The following PGBD4 variants were observed in gnomAD, a reference collection of about 807,000 sequenced individuals.
PGBD4 encodes piggyBac transposable element derived 4.
PGBD4 carries 1 observed loss-of-function variant against 0.3 expected under a neutral mutation model. The ratio of observed to expected loss-of-function variants is 3.72; its 90% CI spans 1.32 to 17.64. The LOEUF (loss-of-function observed/expected upper bound fraction) is 17.64. PGBD4 is among the 30% of genes most tolerant of loss of function. The probability of loss-of-function intolerance (pLI) is 0.11; values close to 1 mark genes in which losing one functional copy is unlikely to be tolerated. For synonymous variants in PGBD4, 253 were observed against 267.7 expected, an observed-to-expected ratio of 0.95 and a Z score of 0.54; for missense variants, 624 against 719.7, an observed-to-expected ratio of 0.87 and a Z score of 1.52.
rs775541823 is a variant in PGBD4, at chr15:34,103,035, G to A, written c.504G>A (p.Val168=). 1 of 1,614,024 alleles carries A rather than the reference G, an allele frequency of 6.2e-7. No homozygotes were observed. The highest frequency in any genetic ancestry group is 8.5e-7 in the Non-Finnish European group (1 of 1,180,028). ...CAGTAATGTTACTGCAAGGTATTGT[G>A]CAGAAACCTGAGCTGGAGATGTTTT... ...FFAVMLLQGI[V]QKPELEMFWS... The change falls in exon 1 of 1, where the codon GTG becomes GTA. Residue 168 remains valine, a synonymous_variant. Transcript: ENST00000397766. The surrounding 1 kb of genome is among the most constrained non-coding windows in gnomAD (Gnocchi z 4.6).
At position 34,102,568 on chromosome 15, in the gene PGBD4, G is replaced by C. The variant is rs1464334621; in HGVS notation, c.37G>C (p.Asp13His). ...NPRKRSIPMRDSNTGLEQLLA... is the reference protein window; with the variant it reads ...NPRKRSIPMRHSNTGLEQLLA... ...TAGAAAACGTAGCATTCCTATGCGT[G>C]ATAGTAATACCGGTCTCGAACAGTT... The change falls in exon 1 of 1, where the codon GAT becomes CAT. Residue 13 changes from aspartate to histidine, a missense_variant. By Grantham distance (81) the Asp-to-His change is moderately conservative. Coordinates refer to ENST00000397766, the MANE Select transcript of PGBD4 (RefSeq NM_152595.5). This position sits in a 1 kb window ranked among gnomAD's most constrained non-coding sequence, Gnocchi z 4.7. The C allele has an allele frequency of 6.3e-7, 1 of 1,582,406 alleles. No individual in the cohort carries two copies. Among genetic ancestry groups the C allele is most frequent in the South Asian group, 1.1e-5 (1 of 87,380 alleles).
In PGBD4 at chr15:34,102,473, A is replaced by G; in HGVS notation, c.-59A>G. ...CAAAAGACATCATTCTGTTTATAGC[A>G]TTCTGTTTTTAGTAGTGGGATTTCC... On this transcript the variant is annotated 5_prime_UTR_variant, in exon 1 of 1. Transcript: ENST00000397766. The surrounding 1 kb of genome is among the most constrained non-coding windows in gnomAD (Gnocchi z 4.7). 1 of 1,456,392 alleles carries G rather than the reference A, an allele frequency of 6.9e-7. No homozygotes were observed. Among genetic ancestry groups the G allele is most frequent in the Middle Eastern group, 2.5e-4 (1 of 3,954 alleles). 90.2% of individuals were successfully genotyped at this position (1,456,392 alleles called of 1,614,324 possible). A position where few individuals can be genotyped will look rare whatever the true frequency, so the allele number is the denominator to read the frequency against.
rs1475066680 is a variant in PGBD4, at chr15:34,107,004, T to C, written c.*2715T>C. 7.0e-6 allele frequency: 1 copy of C among 142,054 alleles called. No individual in the cohort carries two copies. Among genetic ancestry groups the C allele is most frequent in the Non-Finnish European group, 1.5e-5 (1 of 65,728 alleles). The allele number at this position is 142,054 out of a possible 1,614,324, so 8.8% of individuals were successfully genotyped here. ...AAAGACAAAAAAACAAATCCATATA[T>C]ACATATATATGTATATATATAGTAT... On this transcript the variant is annotated 3_prime_UTR_variant, in exon 1 of 1. Coordinates refer to ENST00000397766, the MANE Select transcript of PGBD4 (RefSeq NM_152595.5).
chr15:34,105,314 C>T lies in PGBD4; in HGVS notation c.*1025C>T, dbSNP rs1005995430. The T allele has an allele frequency of 1.2e-5, 2 of 167,126 alleles. No homozygotes were observed. The highest frequency in any genetic ancestry group is 2.9e-5 in the Non-Finnish European group (2 of 68,144). 10.4% of individuals were successfully genotyped at this position (167,126 alleles called of 1,614,324 possible). On this transcript the variant is annotated 3_prime_UTR_variant, in exon 1 of 1. Coordinates refer to ENST00000397766, the MANE Select transcript of PGBD4 (RefSeq NM_152595.5). Reference sequence around the variant, plus strand: ...CCAAGATTTCAGGCATCATTTGCTCCAGTCCTTTCATTTTCTTTATGGTGG... The same window carrying T: ...CCAAGATTTCAGGCATCATTTGCTCTAGTCCTTTCATTTTCTTTATGGTGG...
In PGBD4 at chr15:34,102,541, C is replaced by A; in HGVS notation, c.10C>A (p.Pro4Thr). 6.6e-7 allele frequency: 1 copy of A among 1,524,410 alleles called. No individual in the cohort carries two copies. The highest frequency in any genetic ancestry group is 8.8e-7 in the Non-Finnish European group (1 of 1,134,712). 94.4% of individuals were successfully genotyped at this position (1,524,410 alleles called of 1,614,324 possible). ...ATTCTCGATCGCTGAAATGTCAAATCCTAGAAAACGTAGCATTCCTATGCG... is the reference window on the plus strand; with the variant it reads ...ATTCTCGATCGCTGAAATGTCAAATACTAGAAAACGTAGCATTCCTATGCG... MSN[P>T]RKRSIPMRDS... Residue 4 changes from proline to threonine, a missense_variant, in exon 1 of 1, where the codon CCT (proline) becomes ACT (threonine). Pro to Thr is a conservative substitution (Grantham distance 38). Transcript: ENST00000397766. The surrounding 1 kb of genome is among the most constrained non-coding windows in gnomAD (Gnocchi z 4.7).
At position 34,106,975 on chromosome 15, in the gene PGBD4, A is replaced by AAG. The variant is rs1887770390; in HGVS notation, c.*2687_*2688insGA. On this transcript the variant is annotated 3_prime_UTR_variant, in exon 1 of 1. Coordinates refer to ENST00000397766, the MANE Select transcript of PGBD4 (RefSeq NM_152595.5). ...CTGTCTCTAAAAAAAAAAAAAAAAA[A>AAG]AAAAAAGACAAAAAAACAAATCCAT... The AAG allele has an allele frequency of 6.7e-6, 1 of 149,706 alleles. No homozygotes were observed. Among genetic ancestry groups the AAG allele is most frequent in the Non-Finnish European group, 1.5e-5 (1 of 67,596 alleles). 9.3% of individuals were successfully genotyped at this position (149,706 alleles called of 1,614,324 possible).
In PGBD4 at chr15:34,105,011, G is replaced by C. The variant is rs564218094; in HGVS notation, c.*722G>C. ...GTCAGATTTGCTTCAGCCTCAAAGA[G>C]GGTGTTTATGTAAAACTAAATGAGT... is the stretch of plus-strand genomic sequence containing the variant. On this transcript the variant is annotated 3_prime_UTR_variant, in exon 1 of 1. Coordinates refer to ENST00000397766, the MANE Select transcript of PGBD4 (RefSeq NM_152595.5). 6.1e-6 allele frequency: 1 copy of C among 164,292 alleles called. No individual in the cohort carries two copies. The highest frequency in any genetic ancestry group is 2.1e-4 in the South Asian group (1 of 4,818). The allele number at this position is 164,292 out of a possible 1,614,324, so 10.2% of individuals were successfully genotyped here.
chr15:34,108,548 T>C lies in PGBD4; in HGVS notation c.*4259T>C, dbSNP rs1887793949. On this transcript the variant is annotated 3_prime_UTR_variant, in exon 1 of 1. Coordinates refer to ENST00000397766, the MANE Select transcript of PGBD4 (RefSeq NM_152595.5). Reference sequence around the variant, plus strand: ...AAAGATTATTTGAGAAATAATGGAATGGGACAAAGGATTATAATGTGCTAC... The same window carrying C: ...AAAGATTATTTGAGAAATAATGGAACGGGACAAAGGATTATAATGTGCTAC... The C allele has an allele frequency of 6.6e-6, 1 of 152,152 alleles. No homozygotes were observed. Among genetic ancestry groups the C allele is most frequent in the Non-Finnish European group, 1.5e-5 (1 of 68,024 alleles). The allele number at this position is 152,152 out of a possible 1,614,324, so 9.4% of individuals were successfully genotyped here.
chr15:34,104,441 A>G lies in PGBD4; in HGVS notation c.*152A>G. ...AACATGGTGAAACCCTGTCTCTACT[A>G]AAAATACAACAATTAGCTGGATGTG... is the stretch of plus-strand genomic sequence containing the variant. On this transcript the variant is annotated 3_prime_UTR_variant, in exon 1 of 1. Transcript: ENST00000397766. 1 of 812,058 alleles carries G rather than the reference A, an allele frequency of 1.2e-6. No individual in the cohort carries two copies. Among genetic ancestry groups the G allele is most frequent in the South Asian group, 1.9e-5 (1 of 52,946 alleles). 50.3% of individuals were successfully genotyped at this position (812,058 alleles called of 1,614,324 possible).
At position 34,103,936 on chromosome 15, in the gene PGBD4, A is replaced by C; in HGVS notation, c.1405A>C (p.Ile469Leu). The change falls in exon 1 of 1, where the codon ATC becomes CTC. Residue 469 changes from isoleucine (I) to leucine (L), a missense_variant. Ile to Leu is a conservative substitution (Grantham distance 5). Transcript: ENST00000397766. The surrounding 1 kb of genome is among the most constrained non-coding windows in gnomAD (Gnocchi z 4.6). ...ACACATTACAGTGCTGAACTCCTAC[A>C]TCCTGTTCAAGAAGGATAATCCTGA... is the stretch of plus-strand genomic sequence containing the variant. ...LLHITVLNSY[I>L]LFKKDNPEHT... 1 of 1,614,144 alleles carries C rather than the reference A, an allele frequency of 6.2e-7. No individual in the cohort carries two copies. The highest frequency in any genetic ancestry group is 8.5e-7 in the Non-Finnish European group (1 of 1,180,036).
rs1468426593 is a variant in PGBD4 at position 34,106,442 on chromosome 15, A to T, written c.*2153A>T. On this transcript the variant is annotated 3_prime_UTR_variant, in exon 1 of 1. Coordinates refer to ENST00000397766, the MANE Select transcript of PGBD4 (RefSeq NM_152595.5). ...AGAGTGAGACTCCATCTCAAAAAAT[A>T]AAAAAGTTTCCTTCTGTTCCCTCTT... 1 of 152,168 alleles carries T rather than the reference A, an allele frequency of 6.6e-6. No individual in the cohort carries two copies. The highest frequency in any genetic ancestry group is 1.5e-5 in the Non-Finnish European group (1 of 68,096). The allele number at this position is 152,168 out of a possible 1,614,324, so 9.4% of individuals were successfully genotyped here.
chr15:34,103,209 CA>C lies in PGBD4; in HGVS notation c.681del (p.Lys227AsnfsTer8). On this transcript the variant is annotated frameshift_variant, in exon 1 of 1. Transcript: ENST00000397766. LOFTEE classifies it low-confidence loss of function (END_TRUNC). This position sits in a 1 kb window ranked among gnomAD's most constrained non-coding sequence, Gnocchi z 4.6. Reference sequence around the variant, plus strand: ...AGGCCCAGATTTCATTGCAGAAGATCAAACCTGTGTTCGACTTTCTTGTAAA... The same window carrying C: ...AGGCCCAGATTTCATTGCAGAAGATCAACCTGTGTTCGACTTTCTTGTAAA... ...SKAQISLQKIKPVFDFLVNKF... is the reference protein window; with the variant it reads ...SKAQISLQKIXPVFDFLVNKF... 2 of 1,614,080 alleles carry C rather than the reference CA, an allele frequency of 1.2e-6. No individual in the cohort carries two copies. The highest frequency in any genetic ancestry group is 1.7e-6 in the Non-Finnish European group (2 of 1,180,034).
chr15:34,104,090 C>T lies in PGBD4; in HGVS notation c.1559C>T (p.Ser520Phe). The T allele has an allele frequency of 6.2e-7, 1 of 1,614,194 alleles. No homozygotes were observed. Residue 520 changes from serine (S) to phenylalanine (F), a missense_variant, in exon 1 of 1, where the codon TCT becomes TTT. Transcript: ENST00000397766. ...GATGATGTCACACCTCTTCGTCTGT[C>T]TGGAAGACATTTCCCCAAGAGCATA... ...CSDDVTPLRL[S>F]GRHFPKSIPA...
rs1407793776 is a variant in PGBD4, at chr15:34,106,988, AAAAC to A, written c.*2703_*2706del. On this transcript the variant is annotated 3_prime_UTR_variant, in exon 1 of 1. Coordinates refer to ENST00000397766, the MANE Select transcript of PGBD4 (RefSeq NM_152595.5). ...AAAAAAAAAAAAAAAAAAAGACAAA[AAAAC>A]AAATCCATATATACATATATATGTA... The A allele has an allele frequency of 6.7e-6, 1 of 149,976 alleles. No homozygotes were observed. Among genetic ancestry groups the A allele is most frequent in the Admixed American group, 6.7e-5 (1 of 14,996 alleles). The allele number at this position is 149,976 out of a possible 1,614,324, so 9.3% of individuals were successfully genotyped here.
In PGBD4 at chr15:34,103,985, T is replaced by C. The variant is rs770189864; in HGVS notation, c.1454T>C (p.Phe485Ser). ...NPEHTMSHIN[F>S]RLALIERMLE... ...GAGCACACGATGAGCCATATAAACT[T>C]CAGACTGGCATTGATTGAAAGAATG... The change falls in exon 1 of 1, where the codon TTC becomes TCC. Residue 485 changes from phenylalanine to serine, a missense_variant. Physicochemically the swap from Phe to Ser is radical, Grantham distance 155. Transcript: ENST00000397766. This position sits in a 1 kb window ranked among gnomAD's most constrained non-coding sequence, Gnocchi z 4.6. 13 of 1,614,042 alleles carry C rather than the reference T, an allele frequency of 8.1e-6. 1 individual carries two copies. The South Asian group carries it at 1.3e-4, about 16-fold the overall frequency.
At position 34,104,269 on chromosome 15, in the gene PGBD4, C is replaced by T; in HGVS notation, c.1738C>T (p.His580Tyr). ...LCVVPCFEIY[H>Y]TKKNY ...TGTTGTTCCGTGCTTTGAAATTTAC[C>T]ACACGAAAAAAAATTATTAAATACC... Residue 580 changes from histidine to tyrosine, a missense_variant, in exon 1 of 1, where the codon CAC becomes TAC. Coordinates refer to ENST00000397766, the MANE Select transcript of PGBD4 (RefSeq NM_152595.5). The T allele has an allele frequency of 6.2e-7, 1 of 1,607,542 alleles. No individual in the cohort carries two copies. The highest frequency in any genetic ancestry group is 8.5e-7 in the Non-Finnish European group (1 of 1,177,540).
rs1310080998 is a variant in PGBD4, at chr15:34,104,282, A to G, written c.1751A>G (p.Asn584Ser). 6.2e-7 allele frequency: 1 copy of G among 1,610,650 alleles called. No individual in the cohort carries two copies. The highest frequency in any genetic ancestry group is 2.2e-5 in the East Asian group (1 of 44,870). Residue 584 changes from asparagine (N) to serine (S), a missense_variant, in exon 1 of 1, where the codon AAT (asparagine) becomes AGT (serine). Asn to Ser is a conservative substitution (Grantham distance 46). Transcript: ENST00000397766. Reference protein sequence around the residue: ...PCFEIYHTKKNY With the variant: ...PCFEIYHTKKSY Reference sequence around the variant, plus strand: ...TTTGAAATTTACCACACGAAAAAAAATTATTAAATACCGATCATCATACAC... The same window carrying G: ...TTTGAAATTTACCACACGAAAAAAAGTTATTAAATACCGATCATCATACAC...
At position 34,108,518 on chromosome 15, in the gene PGBD4, A is replaced by G. The variant is rs1288543688; in HGVS notation, c.*4229A>G. On this transcript the variant is annotated 3_prime_UTR_variant, in exon 1 of 1. Coordinates refer to ENST00000397766, the MANE Select transcript of PGBD4 (RefSeq NM_152595.5). ...CAGAAGTAAGCATTGTTGAAACCGT[A>G]GTAAAAAGATTATTTGAGAAATAAT... is the stretch of plus-strand genomic sequence containing the variant. 1 of 152,232 alleles carries G rather than the reference A, an allele frequency of 6.6e-6. No homozygotes were observed. Among genetic ancestry groups the G allele is most frequent in the Non-Finnish European group, 1.5e-5 (1 of 68,050 alleles). The allele number at this position is 152,232 out of a possible 1,614,324, so 9.4% of individuals were successfully genotyped here.
rs1724845367 is a variant in PGBD4 at position 34,107,208 on chromosome 15, C to T, written c.*2919C>T. 1 of 151,822 alleles carries T rather than the reference C, an allele frequency of 6.6e-6. No individual in the cohort carries two copies. Among genetic ancestry groups the T allele is most frequent in the Non-Finnish European group, 1.5e-5 (1 of 67,986 alleles). The allele number at this position is 151,822 out of a possible 1,614,324, so 9.4% of individuals were successfully genotyped here. A position where few individuals can be genotyped will look rare whatever the true frequency, so the allele number is the denominator to read the frequency against. On this transcript the variant is annotated 3_prime_UTR_variant, in exon 1 of 1. Transcript: ENST00000397766. ...TTTACATACATATTTCCAAAGTATA[C>T]TATAAATGCACTTCCGCACTTTGCT...
Sources: gnomAD v4.1 joint callset for allele counts on GRCh38, gnomAD v4.1.1 for gene constraint, Gnocchi (gnomAD v3.1) non-coding constraint, MANE v1.5 for transcripts, NCBI Gene and HGNC (gene_info 2026-07-23, HGNC 2026-07-21) for gene names.